Variants in NALF1 observed in about 807,000 individuals in gnomAD.
The protein encoded by NALF1 is family with sequence similarity 155 member A.
Under a neutral mutation model 48.4 loss-of-function variants are expected in NALF1, and 3 were observed. The ratio of observed to expected loss-of-function variants is 0.06; its 90% confidence interval spans 0.03 to 0.16. NALF1 has a LOEUF of 0.16. Ranked by LOEUF, NALF1 falls within the 10% of genes least tolerant of loss-of-function variation. NALF1 has a pLI of 1.00. For synonymous variants in NALF1, 262 were observed against 245.7 expected (o/e 1.07, Z -0.62); for missense variants, 526 against 571.5 (o/e 0.92, Z 0.81).
chr13:107,635,604 A>G (rs1879955283), intron 1 of NALF1, among the ~76,000 whole-genome samples: 1 of 152,158 alleles, frequency 6.6e-6, no homozygotes, highest in South Asian at 2.1e-4. Flanking sequence ...CTAGCTGATT[A>G]TCCTTGGACA....
chr13:107,414,311 TTTC>T (rs1158459749), intron 1 of NALF1, among the ~76,000 whole-genome samples: 1 of 151,510 alleles, frequency 6.6e-6, no homozygotes, highest in East Asian at 1.9e-4. Context: ...TTTTCTTTCT[TTTC>T]TTCTTTTCTT....
Position 107,549,779 on chromosome 13 carries a change from T to A in NALF1, c.915+315903A>T, listed in dbSNP as rs1235241843. ...GGAAATGAATATTGTTAAATTTTAT[T>A]ATCTAACCCATGGAGCTTATGGAAT... On this transcript the variant is annotated intron_variant, in intron 1 of 2. Coordinates refer to ENST00000375915, the MANE Select transcript of NALF1 (RefSeq NM_001080396.3). Among the ~76,000 whole-genome samples the A allele has an allele frequency of 2.0e-5, 3 of 152,248 alleles. No homozygotes were observed. The East Asian group carries it at 5.8e-4, about 29-fold the overall frequency.
intron 1 of NALF1, among the ~76,000 whole-genome samples, chr13:107,688,099 C>T (rs555249310): frequency 7.9e-5 from 12 of 152,232 alleles, no homozygotes; most frequent in South Asian, 4.2e-4. Flanking sequence ...TATGCATTGC[C>T]TTATATGTGG....
intron 1 of NALF1, among the ~76,000 whole-genome samples, chr13:107,558,871 A>G (rs569222214): frequency 6.6e-6 from 1 of 152,110 alleles, no homozygotes; most frequent in South Asian, 2.1e-4. Context: ...TGGGACATCC[A>G]TCTTTCCTTG....
chr13:107,765,544 C>T (rs1368160243), intron 1 of NALF1, among the ~76,000 whole-genome samples: 5 of 152,064 alleles, frequency 3.3e-5, no homozygotes, highest in African/African-American at 9.7e-5. Context: ...TTGCTTATTT[C>T]GTTCTGTTTA....
chr13:107,477,242 T>A (rs1885187775), intron 1 of NALF1, among the ~76,000 whole-genome samples: 1 of 152,130 alleles, frequency 6.6e-6, no homozygotes, highest in Non-Finnish European at 1.5e-5. Context: ...CTCAGGAAGA[T>A]AAAGCTGTAA....
At chr13:107,174,204 TCTC>T (rs948734392) in intron 2 of NALF1, among the ~76,000 whole-genome samples, 6 of 152,158 alleles carry the variant, frequency 3.9e-5, no homozygotes, top group Non-Finnish European at 8.8e-5. Flanking sequence ...CCCTTGTTCT[TCTC>T]ATGGAAACAC....
At chr13:107,438,852 G>A (rs28390225) in intron 1 of NALF1, among the ~76,000 whole-genome samples, 16,423 of 68,954 alleles carry the variant, frequency 0.24, 1,022 homozygotes, top group Middle Eastern at 0.32. Context: ...AAAAAAAAAA[G>A]AATAATATAA....
chr13:107,821,178 A>AT (rs932535228), intron 1 of NALF1, among the ~76,000 whole-genome samples: 2 of 152,178 alleles, frequency 1.3e-5, no homozygotes, highest in African/African-American at 4.8e-5. Flanking sequence ...ATAGTTTACC[A>AT]TATTTTGCTT....
At position 107,786,168 on chromosome 13, in the gene NALF1, G is replaced by A. The variant is rs549748417; in HGVS notation, c.915+79514C>T. Among the ~76,000 whole-genome samples, 4 of 152,198 alleles carry A rather than the reference G, an allele frequency of 2.6e-5. No individual in the cohort carries two copies. In the East Asian group the frequency reaches 7.7e-4, roughly 29 times the overall value. ...TGAGGTGCTCATGCCTGTAATCCCA[G>A]CACTTTGGGAGGCTGAGGCGGGCAG... On this transcript the variant is annotated intron_variant, in intron 1 of 2. Transcript: ENST00000375915.
At chr13:107,797,488 C>T (rs796807914) in intron 1 of NALF1, among the ~76,000 whole-genome samples, 45 of 152,262 alleles carry the variant, frequency 3.0e-4, no homozygotes, top group African/African-American at 9.9e-4. Context: ...GGATTACAGG[C>T]GTGAGCCACC....
At chr13:107,257,204 CCCTT>C (rs532027325) in intron 1 of NALF1, among the ~76,000 whole-genome samples, 25 of 152,256 alleles carry the variant, frequency 1.6e-4, no homozygotes, top group Admixed American at 7.2e-4. Flanking sequence ...TCACCTCCCT[CCCTT>C]GACATGTGGG....
chr13:107,401,650 A>G (rs1883809612), intron 1 of NALF1, among the ~76,000 whole-genome samples: 1 of 151,914 alleles, frequency 6.6e-6, no homozygotes, highest in South Asian at 2.1e-4. Context: ...TAAACAAACC[A>G]TTTATAAATT....
chr13:107,226,402 T>C (rs1264137413), intron 1 of NALF1, among the ~76,000 whole-genome samples: 1 of 152,252 alleles, frequency 6.6e-6, no homozygotes, highest in Non-Finnish European at 1.5e-5. Flanking sequence ...TTAGAATGTG[T>C]AAATGCTTAG....
chr13:107,644,646 C>CATATATATATATAT (rs58981652), intron 1 of NALF1, among the ~76,000 whole-genome samples: 20 of 108,254 alleles, frequency 1.8e-4, no homozygotes, highest in African/African-American at 4.1e-4. Flanking sequence ...TACATACATA[C>CATATATATATATAT]ATATATATAT....
Position 107,628,009 on chromosome 13 carries a change from C to T in NALF1, c.915+237673G>A, listed in dbSNP as rs181356404. 2.2e-3 allele frequency among the ~76,000 whole-genome samples: 338 copies of T among 152,182 alleles called. 1 individual carries two copies. Among genetic ancestry groups the T allele is most frequent in the African/African-American group, 7.5e-3 (310 of 41,534 alleles). On this transcript the variant is annotated intron_variant, in intron 1 of 2. Coordinates refer to ENST00000375915, the MANE Select transcript of NALF1 (RefSeq NM_001080396.3). Reference sequence around the variant, plus strand: ...AGTTATGTGGAATTTATAAATCATACGAGAACACAATTATGCACTCATAAA... The same window carrying T: ...AGTTATGTGGAATTTATAAATCATATGAGAACACAATTATGCACTCATAAA...
chr13:107,446,063 C>T (rs11841287), intron 1 of NALF1, among the ~76,000 whole-genome samples: 6,337 of 151,950 alleles, frequency 0.042, 270 homozygotes, highest in African/African-American at 0.11. Flanking sequence ...CTCAGCCTCC[C>T]GAGTAGTTGG....
intron 1 of NALF1, among the ~76,000 whole-genome samples, chr13:107,699,845 A>G (rs1398355509): frequency 2.0e-5 from 3 of 152,134 alleles, no homozygotes; most frequent in Non-Finnish European, 4.4e-5. Context: ...CAAAATCAAC[A>G]TAAAAAAATC....
chr13:107,640,880 A>G (rs1005117971), intron 1 of NALF1, among the ~76,000 whole-genome samples: 1 of 152,202 alleles, frequency 6.6e-6, no homozygotes, highest in Non-Finnish European at 1.5e-5. Context: ...AAAAGATTAC[A>G]AGGCATACAA....
Sources: allele counts gnomAD v4.1 joint callset (sites outside exome capture counted in the v4.1 genomes callset), GRCh38; gene constraint gnomAD v4.1.1; transcripts MANE v1.5; gene names NCBI Gene and HGNC (gene_info 2026-07-23, HGNC 2026-07-21).